The following DCX variants were observed in gnomAD, a reference collection of about 807,000 sequenced individuals.
DCX encodes doublecortin, also known as neuronal migration protein doublecortin.
Under a neutral mutation model 20.9 loss-of-function variants are expected in DCX, and 4 were observed. The observed-to-expected ratio is 0.19, with a 90% CI of 0.09 to 0.44. The LOEUF (loss-of-function observed/expected upper bound fraction) is 0.44. Among genes scored for constraint, DCX ranks in the 20% least tolerant of loss-of-function variants. The pLI, the probability that DCX is intolerant of heterozygous loss-of-function variation, is 0.99. For synonymous variants in DCX, 103 were observed against 111.4 expected, an observed-to-expected ratio of 0.92 and a Z score of 0.47; for missense variants, 133 against 296.9, an observed-to-expected ratio of 0.45 and a Z score of 4.06.
rs193085961 is a variant in DCX, at chrX:111,382,368, C to G, written c.705+18622G>C. 3.6e-5 allele frequency among the ~76,000 whole-genome samples: 4 copies of G among 112,192 alleles called. No individual in the cohort carries two copies. The East Asian group carries it at 1.1e-3, about 32-fold the overall frequency. On this transcript the variant is annotated intron_variant, in intron 3 of 6. Coordinates refer to ENST00000636035, the MANE Select transcript of DCX (RefSeq NM_001195553.2). ...ATTTCTAGATTTCCAGGTCCCTCCC[C>G]CAACAATTCAGTTCCCAGTGATTCT...
chrX:111,323,772 C>T (rs773128548), intron 5 of DCX, among the ~76,000 whole-genome samples: 1 of 110,399 alleles, frequency 9.1e-6, no homozygotes, highest in South Asian at 3.9e-4. Context: ...AGGGAAGTAG[C>T]ACAATGAAAA....
intron 6 of DCX, among the ~76,000 whole-genome samples, chrX:111,309,674 C>T (rs1002953755): frequency 2.7e-5 from 3 of 111,266 alleles, no homozygotes; most frequent in African/African-American, 9.8e-5. Flanking sequence ...TCAGACAAGC[C>T]CAAATTGAAA....
At chrX:111,329,921 C>G (rs750879084) in intron 5 of DCX, among the ~76,000 whole-genome samples, 1 of 112,246 alleles carries the variant, frequency 8.9e-6, no homozygotes, top group South Asian at 3.7e-4. Context: ...CTTGGGATGA[C>G]AAATGTATAA....
At chrX:111,320,845 A>T (rs867787439) in intron 5 of DCX, among the ~76,000 whole-genome samples, 1 of 109,069 alleles carries the variant, frequency 9.2e-6, no homozygotes, top group African/African-American at 3.4e-5. Flanking sequence ...TCTCTCTCAC[A>T]CACACACACA....
At chrX:111,357,617 A>G (rs936624737) in intron 3 of DCX, among the ~76,000 whole-genome samples, 20 of 109,944 alleles carry the variant, frequency 1.8e-4, no homozygotes, top group African/African-American at 5.6e-4. Flanking sequence ...TGTCTCTACA[A>G]GAAAAATTTA....
chrX:111,378,392 G>C (rs902305519), intron 3 of DCX, among the ~76,000 whole-genome samples: 2 of 111,501 alleles, frequency 1.8e-5, no homozygotes, highest in Admixed American at 1.9e-4. Context: ...AATTTAGCAG[G>C]TCTGGGGCGA....
chrX:111,335,544 C>T (rs1921638930), intron 3 of DCX, among the ~76,000 whole-genome samples: 1 of 112,472 alleles, frequency 8.9e-6, no homozygotes, highest in South Asian at 3.7e-4. Context: ...AAAGGCAACA[C>T]AAATATACAA....
At chrX:111,373,729 A>T (rs1925301304) in intron 3 of DCX, among the ~76,000 whole-genome samples, 1 of 111,533 alleles carries the variant, frequency 9.0e-6, no homozygotes, top group African/African-American at 3.3e-5. Flanking sequence ...ATATGAATAT[A>T]TGCCATTTTT....
chrX:111,308,872 T>C (rs978217131), intron 6 of DCX, among the ~76,000 whole-genome samples: 3 of 110,704 alleles, frequency 2.7e-5, no homozygotes, highest in Non-Finnish European at 5.7e-5. Context: ...TAGATTTTTT[T>C]TTTTTTTGAA....
intron 4 of DCX, among the ~76,000 whole-genome samples, chrX:111,332,581 C>A (rs760207244): frequency 9.0e-6 from 1 of 111,520 alleles, no homozygotes; most frequent in African/African-American, 3.3e-5. Context: ...ACAAGGCAGA[C>A]GAATGGGGCA....
chrX:111,409,731 G>A (rs1377944128), intron 2 of DCX, among the ~76,000 whole-genome samples: 1 of 111,649 alleles, frequency 9.0e-6, no homozygotes, highest in Non-Finnish European at 1.9e-5. Context: ...TGCCTCAATA[G>A]TGCTACTCAG....
intron 3 of DCX, among the ~76,000 whole-genome samples, chrX:111,341,737 A>G (rs1922259136): frequency 8.9e-6 from 1 of 111,846 alleles, no homozygotes; most frequent in South Asian, 3.8e-4. Context: ...TCTTATAGAA[A>G]AGAATTTTCC....
At chrX:111,303,436 A>G (rs2095038472) in intron 6 of DCX, among the ~76,000 whole-genome samples, 1 of 110,776 alleles carries the variant, frequency 9.0e-6, no homozygotes, top group Non-Finnish European at 1.9e-5. Context: ...CTTGAGGTAG[A>G]GAAAAAAGTG....
chrX:111,320,672 T>C (rs187941077), intron 5 of DCX, among the ~76,000 whole-genome samples: 1 of 110,995 alleles, frequency 9.0e-6, no homozygotes, highest in East Asian at 2.8e-4. Context: ...TCAACTCTTT[T>C]ATAGTCCATT....
intron 3 of DCX, among the ~76,000 whole-genome samples, chrX:111,351,967 C>T (rs948344159): frequency 1.8e-5 from 2 of 111,681 alleles, no homozygotes; most frequent in African/African-American, 6.5e-5. Flanking sequence ...TCATGCAGTC[C>T]GCCTGCTTCA....
At chrX:111,348,186 G>T (rs1202582557) in intron 3 of DCX, among the ~76,000 whole-genome samples, 2 of 111,879 alleles carry the variant, frequency 1.8e-5, no homozygotes, top group Non-Finnish European at 3.8e-5. Context: ...TGACACTATA[G>T]GTACCTAAGG....
intron 3 of DCX, among the ~76,000 whole-genome samples, chrX:111,348,011 T>C (rs369397180): frequency 6.2e-5 from 7 of 112,309 alleles, no homozygotes; most frequent in East Asian, 2.8e-4. Context: ...TTTTGCTGTT[T>C]TACATGTGTC....
intron 3 of DCX, among the ~76,000 whole-genome samples, chrX:111,339,432 C>A (rs1271709978): frequency 9.0e-6 from 1 of 111,263 alleles, no homozygotes; most frequent in African/African-American, 3.3e-5. Flanking sequence ...CATGTTCAGT[C>A]CCCTTACCAT....
chrX:111,370,622 T>C (rs1285956424), intron 3 of DCX, among the ~76,000 whole-genome samples: 1 of 111,131 alleles, frequency 9.0e-6, no homozygotes, highest in Non-Finnish European at 1.9e-5. Flanking sequence ...ATAATTAGTC[T>C]GTCAGGACGC....
Sources: allele counts gnomAD v4.1 joint callset (sites outside exome capture counted in the v4.1 genomes callset), GRCh38; gene constraint gnomAD v4.1.1; transcripts MANE v1.5; gene names NCBI Gene and HGNC (gene_info 2026-07-23, HGNC 2026-07-21).